Variants in PHKB observed in about 807,000 individuals in gnomAD.
The protein encoded by PHKB is phosphorylase kinase regulatory subunit beta.
PHKB carries 122 observed loss-of-function variants against 152.1 expected under a neutral mutation model. That is an observed-to-expected ratio of 0.80 (90% confidence interval 0.69 to 0.93). The LOEUF (loss-of-function observed/expected upper bound fraction) is 0.93, where lower values mean the gene tolerates loss of function less well. PHKB is among the 40% of genes least tolerant of loss of function. The pLI, the probability that PHKB is intolerant of heterozygous loss-of-function variation, is 0.00. For synonymous variants in PHKB, 436 were observed against 464.9 expected (o/e 0.94, Z 0.80); for missense variants, 1,304 against 1,328.4 (o/e 0.98, Z 0.29).
chr16:47,461,449 C>T, intron 1 of PHKB, 23 bp downstream of exon 1: 1 of 1,611,622 alleles, frequency 6.2e-7, no homozygotes, highest in Non-Finnish European at 8.5e-7. Context: ...GGGGCGCCGC[C>T]CCCCACCCGA....
chr16:47,503,139 T>A, intron 4 of PHKB, 49 bp downstream of exon 4: 1 of 1,142,358 alleles, frequency 8.8e-7, no homozygotes, highest in Non-Finnish European at 1.3e-6. Context: ...TCTGAAGGAT[T>A]AATTTAACTA....
intron 2 of PHKB, among the ~76,000 whole-genome samples, chr16:47,498,407 G>A (rs916366671): frequency 1.3e-5 from 2 of 152,182 alleles, no homozygotes; most frequent in African/African-American, 4.8e-5. Flanking sequence ...GCTGGGCATG[G>A]TGGCTCACGC....
intron 1 of PHKB, among the ~76,000 whole-genome samples, chr16:47,479,768 T>C (rs776367000): frequency 5.3e-5 from 8 of 152,206 alleles, no homozygotes; most frequent in Non-Finnish European, 1.0e-4. Flanking sequence ...AGTCTTTGAA[T>C]AAATATGTCA....
intron 8 of PHKB, among the ~76,000 whole-genome samples, chr16:47,584,070 A>G (rs1971895946): frequency 6.6e-6 from 1 of 151,846 alleles, no homozygotes; most frequent in Admixed American, 6.6e-5. Context: ...AAAAAAAAAC[A>G]CTTTAAATCT....
intron 1 of PHKB, among the ~76,000 whole-genome samples, chr16:47,475,982 C>G (rs919666325): frequency 1.3e-5 from 2 of 152,164 alleles, no homozygotes; most frequent in East Asian, 3.9e-4. Context: ...ATCTTCTTGC[C>G]TCAGCCTCAT....
chr16:47,514,363 A>G (rs1461749431), intron 5 of PHKB, among the ~76,000 whole-genome samples: 1 of 152,200 alleles, frequency 6.6e-6, no homozygotes, highest in Admixed American at 6.5e-5. Flanking sequence ...CCTCAGAACC[A>G]TACAAGCCAG....
At chr16:47,513,377 C>T (rs1970542601) in intron 5 of PHKB, among the ~76,000 whole-genome samples, 1 of 152,160 alleles carries the variant, frequency 6.6e-6, no homozygotes, top group Non-Finnish European at 1.5e-5. Flanking sequence ...GGATGAAACC[C>T]TTCTCACCAT....
intron 29 of PHKB, among the ~76,000 whole-genome samples, chr16:47,696,803 A>G (rs1974156438): frequency 6.6e-6 from 1 of 152,242 alleles, no homozygotes; most frequent in South Asian, 2.1e-4. Context: ...CAGCCACATC[A>G]TAAAAGTACA....
chr16:47,605,674 G>A (rs767723150), intron 13 of PHKB, among the ~76,000 whole-genome samples: 30 of 151,828 alleles, frequency 2.0e-4, no homozygotes, highest in Non-Finnish European at 2.1e-4. Flanking sequence ...GTTATATGTC[G>A]ATATCTGCTT....
In PHKB at chr16:47,672,484, G is replaced by C. The variant is rs369418473; in HGVS notation, c.2630+3067G>C. Among the ~76,000 whole-genome samples, 8 of 152,260 alleles carry C rather than the reference G, an allele frequency of 5.3e-5. No homozygotes were observed. In the East Asian group the frequency reaches 1.5e-3, roughly 29 times the overall value. ...CTCAGGCATTGATCTGAGACAGACT[G>C]AGAAGTATAGGTTATAAGTCTTCCA... On this transcript the variant is annotated intron_variant, in intron 26 of 30. Transcript: ENST00000323584.
chr16:47,635,792 G>A (rs1337255231), intron 14 of PHKB, among the ~76,000 whole-genome samples: 1 of 152,230 alleles, frequency 6.6e-6, no homozygotes, highest in Non-Finnish European at 1.5e-5. Context: ...CTAGGTCTGT[G>A]TCCTTGGATA....
At chr16:47,523,180 C>T (rs566528433) in intron 6 of PHKB, among the ~76,000 whole-genome samples, 1 of 152,108 alleles carries the variant, frequency 6.6e-6, no homozygotes, top group East Asian at 1.9e-4. Flanking sequence ...ATATACAGAC[C>T]ACAATTTCTT....
intron 26 of PHKB, among the ~76,000 whole-genome samples, chr16:47,675,211 G>T (rs148723786): frequency 9.9e-4 from 151 of 152,262 alleles, no homozygotes; most frequent in Admixed American, 2.9e-3. Flanking sequence ...TGTGAGTGAC[G>T]CAGAGTTCAT....
chr16:47,690,943 G>A (rs1378437329), intron 27 of PHKB, among the ~76,000 whole-genome samples: 4 of 152,118 alleles, frequency 2.6e-5, no homozygotes, highest in Non-Finnish European at 4.4e-5. Flanking sequence ...TGATGGGCCG[G>A]GCATGGTGGC....
At chr16:47,539,553 T>C (rs887956352) in intron 6 of PHKB, among the ~76,000 whole-genome samples, 2 of 152,062 alleles carry the variant, frequency 1.3e-5, no homozygotes, top group Admixed American at 6.5e-5. Flanking sequence ...CATTGGAGCA[T>C]TGAGAAGATT....
At chr16:47,546,982 G>A (rs891981598) in intron 6 of PHKB, among the ~76,000 whole-genome samples, 2 of 152,188 alleles carry the variant, frequency 1.3e-5, no homozygotes, top group Admixed American at 6.6e-5. Flanking sequence ...TTAGGTGACA[G>A]TGTCCCAATT....
At chr16:47,475,913 G>A (rs1196534043) in intron 1 of PHKB, among the ~76,000 whole-genome samples, 2 of 152,068 alleles carry the variant, frequency 1.3e-5, no homozygotes, top group African/African-American at 4.8e-5. Context: ...GATCTCCCAG[G>A]CTGGAATGCA....
chr16:47,683,631 G>A lies in PHKB; in HGVS notation c.2631-5410G>A, dbSNP rs1973905997. Among the ~76,000 whole-genome samples the A allele has an allele frequency of 2.6e-5, 4 of 152,136 alleles. No individual in the cohort carries two copies. In the South Asian group the frequency reaches 8.3e-4, roughly 32 times the overall value. On this transcript the variant is annotated intron_variant, in intron 26 of 30. Transcript: ENST00000323584. ...ATTGGAAAAGCGCAGTATTAGGGTG[G>A]GAGTGACCCGATTTTCCAGGTGCTG... is the stretch of plus-strand genomic sequence containing the variant.
chr16:47,508,260 TTAA>T (rs1567284575), intron 4 of PHKB, among the ~76,000 whole-genome samples: 1 of 152,230 alleles, frequency 6.6e-6, no homozygotes. Context: ...TGCCTGCTTA[TTAA>T]TGTCAGCTAT....
Sources: gnomAD v4.1 joint callset for allele counts (sites outside exome capture counted in the v4.1 genomes callset) on GRCh38, gnomAD v4.1.1 for gene constraint, MANE v1.5 for transcripts, NCBI Gene and HGNC (gene_info 2026-07-23, HGNC 2026-07-21) for gene names.